Variants in ARHGAP15 observed in about 807,000 individuals in gnomAD.
ARHGAP15 encodes rho GTPase-activating protein 15.
In ARHGAP15, 51 loss-of-function variants were observed where a neutral mutation model predicts 63.7. The observed-to-expected ratio is 0.80, with a 90% CI of 0.64 to 1.01. The LOEUF (loss-of-function observed/expected upper bound fraction) is 1.01. Among genes scored for constraint, ARHGAP15 ranks in the 50% least tolerant of loss-of-function variants. ARHGAP15 has a pLI of 0.00. For missense variants in ARHGAP15, 560 were observed against 564.6 expected (o/e 0.99, Z 0.08); for synonymous variants, 191 against 193.8 (o/e 0.99, Z 0.12).
intron 11 of ARHGAP15, among the ~76,000 whole-genome samples, chr2:143,566,272 T>C (rs1696218424): frequency 6.6e-6 from 1 of 152,198 alleles, no homozygotes; most frequent in Non-Finnish European, 1.5e-5. Context: ...ATCTGCTTCT[T>C]GCTTCACTGA....
At chr2:143,744,134 C>T (rs969224502) in intron 13 of ARHGAP15, among the ~76,000 whole-genome samples, 1 of 152,166 alleles carries the variant, frequency 6.6e-6, no homozygotes, top group Admixed American at 6.6e-5. Flanking sequence ...ATAAATCCAG[C>T]TTGCAAAGAA....
chr2:143,476,797 C>G (rs1423270708), intron 8 of ARHGAP15, among the ~76,000 whole-genome samples: 2 of 152,192 alleles, frequency 1.3e-5, no homozygotes, highest in African/African-American at 4.8e-5. Flanking sequence ...TTGCTAAGTA[C>G]CTTCACTTCT....
At chr2:143,310,027 CA>C (rs1469747533) in intron 6 of ARHGAP15, among the ~76,000 whole-genome samples, 2 of 151,974 alleles carry the variant, frequency 1.3e-5, no homozygotes, top group Admixed American at 1.3e-4. Context: ...ATAATTAACA[CA>C]ATTAGCCCAA....
rs560223650 is a variant in ARHGAP15 at position 143,471,198 on chromosome 2, A to T, written c.704-16175A>T. Among the ~76,000 whole-genome samples the T allele has an allele frequency of 2.0e-3, 279 of 141,892 alleles. 2 individuals are homozygous for T. The highest frequency in any genetic ancestry group is 6.4e-3 in the African/African-American group (249 of 38,942). The allele number at this position is 141,892 out of a possible 152,430, so 93.1% of individuals were successfully genotyped here. ...AATATGTGTGTGTATATATACACAC[A>T]TATATGTGTGTATATATACACACAC... is the stretch of plus-strand genomic sequence containing the variant. On this transcript the variant is annotated intron_variant, in intron 8 of 13. Coordinates refer to ENST00000295095, the MANE Select transcript of ARHGAP15 (RefSeq NM_018460.4).
At chr2:143,353,513 A>G (rs374303125) in intron 6 of ARHGAP15, among the ~76,000 whole-genome samples, 61 of 152,304 alleles carry the variant, frequency 4.0e-4, no homozygotes, top group African/African-American at 1.4e-3. Context: ...GCATTGCTAA[A>G]GATCTTTTTA....
intron 2 of ARHGAP15, among the ~76,000 whole-genome samples, chr2:143,170,797 T>C (rs1393236186): frequency 6.6e-6 from 1 of 152,186 alleles, no homozygotes; most frequent in Non-Finnish European, 1.5e-5. Flanking sequence ...AGTGCATTTC[T>C]TTCTGCTTTA....
chr2:143,429,834 T>C (rs1271897307), intron 6 of ARHGAP15, among the ~76,000 whole-genome samples: 3 of 152,146 alleles, frequency 2.0e-5, no homozygotes, highest in East Asian at 3.8e-4. Context: ...AAATATTCCC[T>C]AAGAAAGTAT....
intron 5 of ARHGAP15, among the ~76,000 whole-genome samples, chr2:143,233,858 C>T (rs984181315): frequency 4.0e-5 from 6 of 151,844 alleles, no homozygotes; most frequent in Admixed American, 6.6e-5. Flanking sequence ...TTGGCCAAGC[C>T]GGTCTTGAAT....
At chr2:143,394,732 C>G (rs892200649) in intron 6 of ARHGAP15, among the ~76,000 whole-genome samples, 5 of 152,138 alleles carry the variant, frequency 3.3e-5, no homozygotes, top group Non-Finnish European at 7.3e-5. Flanking sequence ...ATCCCATACA[C>G]TTCAATGTCA....
intron 6 of ARHGAP15, among the ~76,000 whole-genome samples, chr2:143,377,920 C>T (rs1334573066): frequency 2.0e-5 from 3 of 151,944 alleles, no homozygotes; most frequent in African/African-American, 7.2e-5. Flanking sequence ...CCCTTTTCCC[C>T]TCACAACAAA....
chr2:143,176,113 A>G (rs1380801716), intron 2 of ARHGAP15, among the ~76,000 whole-genome samples: 1 of 152,150 alleles, frequency 6.6e-6, no homozygotes, highest in African/African-American at 2.4e-5. Context: ...CAGATCAACA[A>G]TTGGTCATGT....
chr2:143,368,717 T>A (rs936254428), intron 6 of ARHGAP15, among the ~76,000 whole-genome samples: 6 of 152,094 alleles, frequency 3.9e-5, no homozygotes, highest in Admixed American at 3.9e-4. Flanking sequence ...TTGAGGACAC[T>A]TAGGCGTGGG....
intron 2 of ARHGAP15, among the ~76,000 whole-genome samples, chr2:143,189,331 G>A (rs1691584294): frequency 6.6e-6 from 1 of 152,052 alleles, no homozygotes; most frequent in African/African-American, 2.4e-5. Context: ...ATTGTACAGG[G>A]CACTTGGTAA....
chr2:143,638,646 T>A, intron 12 of ARHGAP15, among the ~76,000 whole-genome samples: 1 of 104,814 alleles, frequency 9.5e-6, no homozygotes, highest in African/African-American at 3.2e-5. Flanking sequence ...AAACTTAAAG[T>A]ATAATAATAA....
intron 13 of ARHGAP15, among the ~76,000 whole-genome samples, chr2:143,735,345 C>G (rs10169606): frequency 0.29 from 43,834 of 151,950 alleles, 7,227 homozygotes; most frequent in Non-Finnish European, 0.38. Flanking sequence ...CACAATCAGA[C>G]GTGACTTTGG....
At chr2:143,704,424 G>T (rs1050146355) in intron 13 of ARHGAP15, among the ~76,000 whole-genome samples, 5 of 152,128 alleles carry the variant, frequency 3.3e-5, no homozygotes, top group Non-Finnish European at 5.9e-5. Flanking sequence ...TGGACTTGCT[G>T]CTGGTTGGGA....
chr2:143,702,298 T>A (rs1684124554), intron 12 of ARHGAP15, among the ~76,000 whole-genome samples: 1 of 152,156 alleles, frequency 6.6e-6, no homozygotes, highest in South Asian at 2.1e-4. Flanking sequence ...GTAAATCAAT[T>A]TTTACTTTTC....
chr2:143,719,198 T>C (rs1002485834), intron 13 of ARHGAP15, among the ~76,000 whole-genome samples: 3 of 152,216 alleles, frequency 2.0e-5, no homozygotes, highest in Non-Finnish European at 4.4e-5. Flanking sequence ...CTCTTCATAG[T>C]CTTCCCTATA....
At chr2:143,382,103 TTTCCTTCCTTCCTCCCTCC>T (rs1370357117) in intron 6 of ARHGAP15, among the ~76,000 whole-genome samples, 2 of 123,720 alleles carry the variant, frequency 1.6e-5, no homozygotes, top group East Asian at 4.6e-4. Flanking sequence ...CCTCCCTCCC[TTTCCTTCCTTCCTCCCTCC>T]CTCCTCCCTT....
Sources: gnomAD v4.1 joint callset for allele counts (sites outside exome capture counted in the v4.1 genomes callset) on GRCh38, gnomAD v4.1.1 for gene constraint, MANE v1.5 for transcripts, NCBI Gene and HGNC (gene_info 2026-07-23, HGNC 2026-07-21) for gene names.